The following SYNPR variants were observed in gnomAD, a reference collection of about 807,000 sequenced individuals.
SYNPR encodes the protein synaptoporin.
In SYNPR, 23 loss-of-function variants were observed where a neutral mutation model predicts 32.9. That is an observed-to-expected ratio of 0.70 (90% CI 0.50 to 0.99). SYNPR has a LOEUF of 0.99. Among genes scored for constraint, SYNPR ranks in the 50% least tolerant of loss-of-function variants. The pLI, the probability that SYNPR is intolerant of heterozygous loss-of-function variation, is 0.00. For missense variants in SYNPR, 318 were observed against 349.3 expected (o/e 0.91, Z 0.71); for synonymous variants, 146 against 135.9 (o/e 1.07, Z -0.52).
At chr3:63,341,587 G>A (rs1163192998) in intron 2 of SYNPR, among the ~76,000 whole-genome samples, 1 of 152,122 alleles carries the variant, frequency 6.6e-6, no homozygotes, top group Non-Finnish European at 1.5e-5. Context: ...CCTTTAGTTT[G>A]TAATTTTCTA....
the SYNPR span, among the ~76,000 whole-genome samples, chr3:63,220,624 T>C: frequency 6.6e-6 from 1 of 152,180 alleles, no homozygotes; most frequent in East Asian, 1.9e-4. Context: ...CCAGCCTCCC[T>C]CTTCTTCACT....
chr3:63,375,767 T>C (rs1285415114), intron 2 of SYNPR, among the ~76,000 whole-genome samples: 1 of 152,134 alleles, frequency 6.6e-6, no homozygotes, highest in African/African-American at 2.4e-5. Flanking sequence ...ACTCCTACTT[T>C]TAAAAATTAC....
intron 2 of SYNPR, among the ~76,000 whole-genome samples, chr3:63,280,150 T>C (rs536582483): frequency 6.6e-6 from 1 of 152,316 alleles, no homozygotes; most frequent in Non-Finnish European, 1.5e-5. Context: ...TCTGACATAA[T>C]CTCTTATTGT....
chr3:63,383,612 T>C (rs893651125), intron 2 of SYNPR, among the ~76,000 whole-genome samples: 10 of 152,002 alleles, frequency 6.6e-5, no homozygotes, highest in African/African-American at 2.4e-4. Flanking sequence ...ACCACTGCCC[T>C]CCAGCCTAGG....
rs570098383 is a variant in SYNPR, at chr3:63,429,364, T to A, written c.85-51468T>A. Reference sequence around the variant, plus strand: ...AAATAGGTCTCCAAAATATATCCAATGGCTGTGGATCTGAAGTGGAATTTA... The same window carrying A: ...AAATAGGTCTCCAAAATATATCCAAAGGCTGTGGATCTGAAGTGGAATTTA... On this transcript the variant is annotated intron_variant, in intron 2 of 5. Transcript: ENST00000478300. 5.9e-5 allele frequency among the ~76,000 whole-genome samples: 9 copies of A among 152,302 alleles called. No individual in the cohort carries two copies. The South Asian group carries it at 1.9e-3, about 32-fold the overall frequency.
Position 63,348,633 on chromosome 3 carries a change from GT to G in SYNPR, c.84+69895del, listed in dbSNP as rs1387891096. The stretch of plus-strand genomic sequence containing the variant: ...CAATGGCCAGAAGAGCTTTCTCTAG[GT>G]TTTCTTCCTCTACTTTTATAGTTTC... On this transcript the variant is annotated intron_variant, in intron 2 of 5. Transcript: ENST00000478300. Among the ~76,000 whole-genome samples the G allele has an allele frequency of 3.9e-5, 6 of 152,124 alleles. No homozygotes were observed. In the East Asian group the frequency reaches 1.2e-3, roughly 29 times the overall value.
At position 63,541,355 on chromosome 3, in the gene SYNPR, A is replaced by G. The variant is rs146822777; in HGVS notation, c.210-15188A>G. Among the ~76,000 whole-genome samples, 606 of 151,968 alleles carry G rather than the reference A, an allele frequency of 4.0e-3. 1 individual carries two copies. The highest frequency in any genetic ancestry group is 0.014 in the African/African-American group (565 of 41,474). On this transcript the variant is annotated intron_variant, in intron 3 of 5. Transcript: ENST00000478300. ...GAAGGGAGTTTGATTAGGTAACCAA[A>G]TTTCATTTTCTTAACATGGCTTCTT... is the stretch of plus-strand genomic sequence containing the variant.
intron 2 of SYNPR, among the ~76,000 whole-genome samples, chr3:63,318,647 T>C (rs1435084051): frequency 6.6e-6 from 1 of 152,034 alleles, no homozygotes; most frequent in Non-Finnish European, 1.5e-5. Context: ...CTTGAATATT[T>C]CTCTGTTCAC....
At chr3:63,614,476 T>A (rs1243119022) in intron 5 of SYNPR, among the ~76,000 whole-genome samples, 1 of 152,196 alleles carries the variant, frequency 6.6e-6, no homozygotes, top group Non-Finnish European at 1.5e-5. Flanking sequence ...AAGTTTCACA[T>A]CCAGTTCTTA....
intron 2 of SYNPR, among the ~76,000 whole-genome samples, chr3:63,283,015 C>T (rs541123421): frequency 2.6e-4 from 40 of 152,130 alleles, no homozygotes; most frequent in African/African-American, 9.2e-4. Flanking sequence ...TTGATTTTTT[C>T]AGAAGGGTGT....
chr3:63,594,861 T>C (rs1157770620), intron 4 of SYNPR, among the ~76,000 whole-genome samples: 2 of 152,180 alleles, frequency 1.3e-5, no homozygotes, highest in East Asian at 1.9e-4. Flanking sequence ...TTGAAATTTA[T>C]TCCGGCTATG....
intron 3 of SYNPR, among the ~76,000 whole-genome samples, chr3:63,537,775 T>C (rs1702235286): frequency 6.6e-6 from 1 of 152,124 alleles, no homozygotes; most frequent in Non-Finnish European, 1.5e-5. Context: ...AATTAATAAA[T>C]ATTTCCCTTC....
intron 2 of SYNPR, among the ~76,000 whole-genome samples, chr3:63,348,897 C>G (rs1396108425): frequency 2.0e-5 from 3 of 152,048 alleles, no homozygotes; most frequent in African/African-American, 7.2e-5. Context: ...TATGTCTATG[C>G]TGTTTTGGTT....
At chr3:63,309,320 C>G (rs147776588) in intron 2 of SYNPR, among the ~76,000 whole-genome samples, 65 of 152,062 alleles carry the variant, frequency 4.3e-4, no homozygotes, top group African/African-American at 1.5e-3. Flanking sequence ...GCTTCTGGAT[C>G]AATTTCAATT....
intron 1 of SYNPR, among the ~76,000 whole-genome samples, chr3:63,240,620 A>ATTACCTCACC (rs1169969689): frequency 6.6e-6 from 1 of 152,150 alleles, no homozygotes; most frequent in Non-Finnish European, 1.5e-5. Context: ...GACTTATCCA[A>ATTACCTCACC]GAAGCTATTG....
intron 1 of SYNPR, among the ~76,000 whole-genome samples, chr3:63,241,738 T>G (rs77597378): frequency 0.022 from 3,306 of 152,218 alleles, 109 homozygotes; most frequent in African/African-American, 0.074. Context: ...TAACCAATCC[T>G]GAAATGATCC....
intron 4 of SYNPR, among the ~76,000 whole-genome samples, chr3:63,565,703 C>T (rs571679424): frequency 6.6e-6 from 1 of 152,266 alleles, no homozygotes; most frequent in South Asian, 2.1e-4. Flanking sequence ...GCATTCCTCC[C>T]TTTCAGAGGA....
chr3:63,306,388 A>G (rs936540227), intron 2 of SYNPR, among the ~76,000 whole-genome samples: 5 of 151,988 alleles, frequency 3.3e-5, no homozygotes, highest in African/African-American at 1.2e-4. Flanking sequence ...TCGAAAGATT[A>G]AAGAGGCTGT....
chr3:63,598,457 T>C (rs1162170439), intron 4 of SYNPR, among the ~76,000 whole-genome samples: 3 of 152,330 alleles, frequency 2.0e-5, no homozygotes, highest in South Asian at 4.1e-4. Context: ...GCTTCCTTGA[T>C]TGAGGAAGCT....
Sources: gnomAD v4.1 joint callset for allele counts (sites outside exome capture counted in the v4.1 genomes callset) on GRCh38, gnomAD v4.1.1 for gene constraint, MANE v1.5 for transcripts, NCBI Gene and HGNC (gene_info 2026-07-23, HGNC 2026-07-21) for gene names.